The following SVIL variants were observed in gnomAD, a reference collection of about 807,000 sequenced individuals.
SVIL encodes the protein archvillin.
A neutral mutation model predicts 240.4 loss-of-function variants in SVIL; 101 were observed. The ratio of observed to expected loss-of-function variants is 0.42; its 90% confidence interval spans 0.36 to 0.50. The LOEUF is 0.50. Among genes scored for constraint, SVIL ranks in the 20% least tolerant of loss-of-function variants. The pLI, the probability that SVIL is intolerant of heterozygous loss-of-function variation, is 0.01. For synonymous variants in SVIL, 999 were observed against 1,100.0 expected (o/e 0.91, Z 1.82); for missense variants, 2,512 against 2,818.7 (o/e 0.89, Z 2.46).
chr10:29,512,410 C>T (rs186410699), intron 17 of SVIL, among the ~76,000 whole-genome samples: 1,769 of 152,224 alleles, frequency 0.012, 34 homozygotes, highest in African/African-American at 0.039. Flanking sequence ...CAATTTTTTT[C>T]ATTATAAAGG....
At chr10:29,535,903 GGA>G in intron 7 of SVIL, 84 bp downstream of exon 7, 5 of 1,363,644 alleles carry the variant, frequency 3.7e-6, no homozygotes, top group Non-Finnish European at 5.2e-6. Context: ...GAAGGCAAGA[GGA>G]GAGTGGGTGT....
intron 29 of SVIL, chr10:29,475,392 G>A (rs1182549819): frequency 6.6e-6 from 1 of 152,158 alleles, no homozygotes; most frequent in African/African-American, 2.4e-5. Flanking sequence ...CCCTTCATTC[G>A]TTCATGCATT....
Position 29,458,172 on chromosome 10 carries a change from A to G in SVIL, c.*75T>C. ...AATACTTTGTGAAAAACACCAGTCC[A>G]AAAATATATATCCATTTCCCTGGTG... On this transcript the variant is annotated 3_prime_UTR_variant, in exon 38 of 38. Transcript: ENST00000355867. 1 of 1,438,138 alleles carries G rather than the reference A, an allele frequency of 7.0e-7. No individual in the cohort carries two copies. The highest frequency in any genetic ancestry group is 9.5e-7 in the Non-Finnish European group (1 of 1,050,452). The allele number at this position is 1,438,138 out of a possible 1,614,324, so 89.1% of individuals were successfully genotyped here. A position where few individuals can be genotyped will look rare whatever the true frequency, so the allele number is the denominator to read the frequency against.
At chr10:29,478,024 A>C (rs978751981) in intron 29 of SVIL, among the ~76,000 whole-genome samples, 1 of 152,218 alleles carries the variant, frequency 6.6e-6, no homozygotes, top group Non-Finnish European at 1.5e-5. Context: ...AAATTAAACT[A>C]TGTCTGGTTT....
chr10:29,606,055 C>T (rs1957008265), intron 1 of SVIL, among the ~76,000 whole-genome samples: 1 of 152,128 alleles, frequency 6.6e-6, no homozygotes, highest in Non-Finnish European at 1.5e-5. Context: ...GGATTACAGG[C>T]ATCTGCCACC....
intron 2 of SVIL, among the ~76,000 whole-genome samples, chr10:29,668,208 TGTAGCCTGG>T (rs1959478979): frequency 6.6e-6 from 1 of 152,188 alleles, no homozygotes; most frequent in Non-Finnish European, 1.5e-5. Flanking sequence ...AGCACTGTAC[TGTAGCCTGG>T]GCACCAGAGT....
chr10:29,523,080 T>C (rs921456490), intron 15 of SVIL, among the ~76,000 whole-genome samples: 4 of 152,176 alleles, frequency 2.6e-5, no homozygotes, highest in African/African-American at 9.6e-5. Context: ...AGAAGCACTC[T>C]AGCGATTCAG....
At chr10:29,672,282 T>G (rs2133060545) in intron 2 of SVIL, among the ~76,000 whole-genome samples, 1 of 152,326 alleles carries the variant, frequency 6.6e-6, no homozygotes, top group Admixed American at 6.5e-5. Context: ...CCACAAAACC[T>G]GAAACATTTA....
rs1321601693 is a variant in SVIL at position 29,550,583 on chromosome 10, G to T, written c.827+14C>A. ...TCCTGCGTTCAGGGTGCTTAGCGTGGACTGGATGCTTACCTGGGTCGGGCC... is the reference window on the plus strand; with the variant it reads ...TCCTGCGTTCAGGGTGCTTAGCGTGTACTGGATGCTTACCTGGGTCGGGCC... On this transcript the variant is annotated intron_variant, in intron 6 of 37. Coordinates refer to ENST00000355867, the MANE Select transcript of SVIL (RefSeq NM_021738.3). 1 of 1,592,436 alleles carries T rather than the reference G, an allele frequency of 6.3e-7. No individual in the cohort carries two copies. Among genetic ancestry groups the T allele is most frequent in the Non-Finnish European group, 8.5e-7 (1 of 1,169,676 alleles).
At chr10:29,555,369 CCTCTT>C (rs1953826189) in intron 3 of SVIL, among the ~76,000 whole-genome samples, 6 of 151,726 alleles carry the variant, frequency 4.0e-5, no homozygotes, top group Admixed American at 3.9e-4. Context: ...GACGCATCAT[CCTCTT>C]CTAAGGTCAA....
intron 1 of SVIL, among the ~76,000 whole-genome samples, chr10:29,687,870 C>T (rs1404660261): frequency 6.7e-6 from 1 of 149,848 alleles, no homozygotes; most frequent in Non-Finnish European, 1.5e-5. Flanking sequence ...ATAAACTCAT[C>T]GACTGAGACT....
intron 1 of SVIL, among the ~76,000 whole-genome samples, chr10:29,609,233 T>A (rs1448880244): frequency 1.3e-5 from 2 of 152,184 alleles, no homozygotes; most frequent in African/African-American, 2.4e-5. Flanking sequence ...TGTAACATGT[T>A]CTTGACCAGC....
intron 1 of SVIL, among the ~76,000 whole-genome samples, chr10:29,732,602 G>A (rs188922709): frequency 4.6e-5 from 7 of 152,226 alleles, no homozygotes; most frequent in Admixed American, 6.5e-5. Context: ...ATCATACATA[G>A]TTGACCATGT....
intron 1 of SVIL, among the ~76,000 whole-genome samples, chr10:29,607,685 G>A (rs1482871476): frequency 2.0e-5 from 3 of 152,154 alleles, no homozygotes; most frequent in Non-Finnish European, 4.4e-5. Context: ...TTTCCACAAT[G>A]CCAACGTCTT....
At position 29,458,455 on chromosome 10, in the gene SVIL, A is replaced by G. The variant is rs1943824274; in HGVS notation, c.6537T>C (p.Tyr2179=). ...TTACCTCGAAGTCTTCGTCGGTGAGATAGATCTCAAGCTTCAGAGGATCGA... is the reference window on the plus strand; with the variant it reads ...TTACCTCGAAGTCTTCGTCGGTGAGGTAGATCTCAAGCTTCAGAGGATCGA... ...EGVDPLKLEI[Y]LTDEDFEFAL... The change falls in exon 37 of 38, where the codon TAT becomes TAC. Residue 2179 remains tyrosine, a synonymous_variant. Transcript: ENST00000355867. 6.3e-7 allele frequency: 1 copy of G among 1,581,958 alleles called. No homozygotes were observed. The highest frequency in any genetic ancestry group is 8.6e-7 in the Non-Finnish European group (1 of 1,162,766).
Position 29,458,095 on chromosome 10 carries a change from C to A in SVIL, c.*152G>T. ...TGAACATTTACAAAATACACAACTC[C>A]GGGACAAGCAGTATCTTTAACAATG... On this transcript the variant is annotated 3_prime_UTR_variant, in exon 38 of 38. Transcript: ENST00000355867. 1.4e-6 allele frequency: 1 copy of A among 736,886 alleles called. No homozygotes were observed. Among genetic ancestry groups the A allele is most frequent in the East Asian group, 2.7e-5 (1 of 36,694 alleles). The allele number at this position is 736,886 out of a possible 1,614,324, so 45.6% of individuals were successfully genotyped here.
chr10:29,542,517 T>C (rs909749153), intron 6 of SVIL, among the ~76,000 whole-genome samples: 2 of 152,056 alleles, frequency 1.3e-5, no homozygotes, highest in South Asian at 2.1e-4. Flanking sequence ...CCATTTGTTG[T>C]CTTTTTTTTT....
At chr10:29,548,212 G>C (rs1319115136) in intron 6 of SVIL, among the ~76,000 whole-genome samples, 1 of 152,156 alleles carries the variant, frequency 6.6e-6, no homozygotes, top group Non-Finnish European at 1.5e-5. Context: ...ATGTGTTACT[G>C]CCACTTAGAG....
chr10:29,614,030 C>T (rs1028026196), intron 1 of SVIL, among the ~76,000 whole-genome samples: 1 of 152,180 alleles, frequency 6.6e-6, no homozygotes, highest in Non-Finnish European at 1.5e-5. Context: ...GCTCAGCCTC[C>T]TCAGGAAACT....
Sources: gnomAD v4.1 joint callset for allele counts (sites outside exome capture counted in the v4.1 genomes callset) on GRCh38, gnomAD v4.1.1 for gene constraint, MANE v1.5 for transcripts, NCBI Gene and HGNC (gene_info 2026-07-23, HGNC 2026-07-21) for gene names.